The following F11R variants were observed in gnomAD, a reference collection of about 807,000 sequenced individuals.
The protein encoded by F11R is F11 receptor, also known as junctional adhesion molecule A.
In F11R, 27 loss-of-function variants were observed where a neutral mutation model predicts 39.3. The ratio of observed to expected loss-of-function variants is 0.69; its 90% CI spans 0.51 to 0.95. The LOEUF (loss-of-function observed/expected upper bound fraction) is 0.95. Ranked by LOEUF, F11R falls within the 40% of genes least tolerant of loss-of-function variation. F11R has a pLI of 0.00. For missense variants in F11R, 335 were observed against 372.7 expected, an observed-to-expected ratio of 0.90 and a Z score of 0.83; for synonymous variants, 131 against 144.9, an observed-to-expected ratio of 0.90 and a Z score of 0.69.
At position 160,996,926 on chromosome 1, in the gene F11R, T is replaced by C. The variant is rs1414403620; in HGVS notation, c.*1945A>G. The C allele has an allele frequency of 6.6e-6, 1 of 152,378 alleles. No individual in the cohort carries two copies. Among genetic ancestry groups the C allele is most frequent in the African/African-American group, 2.4e-5 (1 of 41,468 alleles). 9.4% of individuals were successfully genotyped at this position (152,378 alleles called of 1,614,324 possible). A position where few individuals can be genotyped will look rare whatever the true frequency, so the allele number is the denominator to read the frequency against. ...ACTGATGGCTTCATTAGCATTTTGTTTTTCTTTTTGGATCCTTAATAGAAA... is the reference window on the plus strand; with the variant it reads ...ACTGATGGCTTCATTAGCATTTTGTCTTTCTTTTTGGATCCTTAATAGAAA... On this transcript the variant is annotated 3_prime_UTR_variant, in exon 10 of 10. Coordinates refer to ENST00000368026, the MANE Select transcript of F11R (RefSeq NM_016946.6).
intron 1 of F11R, among the ~76,000 whole-genome samples, chr1:161,010,070 A>AG (rs1406068489): frequency 6.6e-6 from 1 of 151,406 alleles, no homozygotes; most frequent in African/African-American, 2.4e-5. Flanking sequence ...AAAAAAAAAA[A>AG]AACCTATGAG....
rs146651683 is a variant in F11R, at chr1:160,998,887, G to A, written c.884C>T (p.Ser295Leu). ...ARSEGEFKQT[S>L]SFLV is the part of the protein sequence containing the mutation. ...CGACCAGGCTCACACCAGGAATGAC[G>A]AGGTCTGTTTGAATTCTCCCTGCAG... The change falls in exon 10 of 10, where the codon TCG (serine) becomes TTG (leucine). Residue 295 changes from serine to leucine, a missense_variant. By Grantham distance (145) the Ser-to-Leu change is moderately radical. Coordinates refer to ENST00000368026, the MANE Select transcript of F11R (RefSeq NM_016946.6). 23 of 1,614,014 alleles carry A rather than the reference G, an allele frequency of 1.4e-5. No individual in the cohort carries two copies. Among genetic ancestry groups the A allele is most frequent in the African/African-American group, 8.0e-5 (6 of 74,906 alleles).
chr1:161,012,083 C>G (rs1385727537), intron 1 of F11R, among the ~76,000 whole-genome samples: 3 of 152,098 alleles, frequency 2.0e-5, no homozygotes, highest in Non-Finnish European at 2.9e-5. Flanking sequence ...CCCCAGCTCC[C>G]AGCACTACAC....
chr1:161,002,562 T>C (rs1321523971), intron 1 of F11R: 1 of 152,220 alleles, frequency 6.6e-6, no homozygotes, highest in Non-Finnish European at 1.5e-5. Context: ...ATCCATGTTT[T>C]CAAAGTCAAA....
intron 1 of F11R, chr1:161,002,651 T>G (rs1167061621): frequency 6.6e-6 from 1 of 152,252 alleles, no homozygotes; most frequent in Non-Finnish European, 1.5e-5. Context: ...CAAGCACATC[T>G]GTTAAATTCA....
Position 160,999,483 on chromosome 1 carries a change from G to A in F11R, c.803-75C>T, listed in dbSNP as rs900663457. The A allele has an allele frequency of 3.7e-6, 6 of 1,600,292 alleles. No homozygotes were observed. The African/African-American group carries it at 6.7e-5, about 18-fold the overall frequency. On this transcript the variant is annotated intron_variant, in intron 7 of 9. Transcript: ENST00000368026. ...ATGGCTTGGGAAGATGGAGGGGCAG[G>A]CCCCCAGCTCTTGGTGTTAGATGGG...
chr1:161,019,107 C>T (rs936645567), intron 1 of F11R, among the ~76,000 whole-genome samples: 2 of 152,118 alleles, frequency 1.3e-5, no homozygotes, highest in African/African-American at 4.8e-5. Flanking sequence ...GTCACTCACA[C>T]AGAAGAAACT....
intron 1 of F11R, among the ~76,000 whole-genome samples, chr1:161,006,155 G>A (rs1316474189): frequency 1.3e-5 from 2 of 151,528 alleles, no homozygotes; most frequent in African/African-American, 4.8e-5. Flanking sequence ...AAAGGGGGGG[G>A]GCACTTCTGT....
rs767573862 is a variant in F11R at position 161,000,245 on chromosome 1, G to A, written c.492C>T (p.Tyr164=). ...TCACTATCCCATCTTTGAACCAGGT[G>A]TATTCAGAAGGTGGGGAACCATCTT... ...SEQDGSPPSE[Y]TWFKDGIVMP... is the part of the protein sequence containing the mutation. Residue 164 remains tyrosine (Y), a synonymous_variant, in exon 5 of 10, where the codon TAC becomes TAT. Transcript: ENST00000368026. The A allele has an allele frequency of 1.1e-4, 180 of 1,614,040 alleles. No homozygotes were observed. The highest frequency in any genetic ancestry group is 1.3e-5 in the Non-Finnish European group (15 of 1,180,034).
chr1:161,003,799 T>C (rs559172392), intron 1 of F11R, among the ~76,000 whole-genome samples: 17 of 152,006 alleles, frequency 1.1e-4, no homozygotes, highest in Non-Finnish European at 2.1e-4. Context: ...AGTTTTGTTC[T>C]AGTTGCCCAG....
chr1:161,019,272 T>C (rs2101993609), intron 1 of F11R, among the ~76,000 whole-genome samples: 1 of 151,030 alleles, frequency 6.6e-6, no homozygotes, highest in South Asian at 2.1e-4. Context: ...AAAGGGAAAT[T>C]AAAGAAAAGG....
At position 160,996,787 on chromosome 1, in the gene F11R, AACAAAAAACAAC is replaced by A. The variant is rs1388617532; in HGVS notation, c.*2072_*2083del. 1.3e-5 allele frequency: 2 copies of A among 152,182 alleles called. No homozygotes were observed. Among genetic ancestry groups the A allele is most frequent in the African/African-American group, 4.8e-5 (2 of 41,402 alleles). 9.4% of individuals were successfully genotyped at this position (152,182 alleles called of 1,614,324 possible). On this transcript the variant is annotated 3_prime_UTR_variant, in exon 10 of 10. Coordinates refer to ENST00000368026, the MANE Select transcript of F11R (RefSeq NM_016946.6). The stretch of plus-strand genomic sequence containing the variant: ...TCTTTAAAAAAACAAAACAAAACAA[AACAAAAAACAAC>A]AAACTCATCTTTACTGAACCATTTC...
chr1:160,999,446 A>G, intron 7 of F11R, 38 bp from the exon 8 acceptor site: 1 of 1,614,150 alleles, frequency 6.2e-7, no homozygotes, highest in African/African-American at 1.3e-5. Context: ...TGTCAGCAGG[A>G]CAGAAGACAG....
At chr1:161,001,239 C>T (rs773898569) in intron 2 of F11R, 46 bp downstream of exon 2, 51 of 1,607,002 alleles carry the variant, frequency 3.2e-5, no homozygotes, top group South Asian at 2.4e-4. Context: ...CCCAGGCGGC[C>T]GGCAACTGCT....
At chr1:161,003,500 T>C (rs1196690792) in intron 1 of F11R, among the ~76,000 whole-genome samples, 1 of 152,096 alleles carries the variant, frequency 6.6e-6, no homozygotes, top group African/African-American at 2.4e-5. Flanking sequence ...TGACCTAAAG[T>C]GATCTGCCCG....
At chr1:161,002,261 C>CAA (rs34007325) in intron 1 of F11R, among the ~76,000 whole-genome samples, 286 of 67,078 alleles carry the variant, frequency 4.3e-3, no homozygotes, top group Non-Finnish European at 4.9e-3. Flanking sequence ...GACTCAATCT[C>CAA]AAAAAAAAAA....
chr1:161,013,814 T>C (rs1649300056), intron 1 of F11R, among the ~76,000 whole-genome samples: 1 of 152,110 alleles, frequency 6.6e-6, no homozygotes, highest in Non-Finnish European at 1.5e-5. Context: ...TCTGCAGAAT[T>C]TCCGGTTCTA....
intron 1 of F11R, among the ~76,000 whole-genome samples, chr1:161,019,405 G>T (rs968646304): frequency 3.3e-5 from 5 of 152,078 alleles, no homozygotes; most frequent in Admixed American, 6.6e-5. Context: ...AGACCAGCCC[G>T]ACCAACATGG....
intron 1 of F11R, among the ~76,000 whole-genome samples, chr1:161,004,786 A>G (rs1648704376): frequency 1.3e-5 from 2 of 152,138 alleles, no homozygotes; most frequent in African/African-American, 4.8e-5. Flanking sequence ...AAAAAAACTA[A>G]TAAAAATATT....
Sources: allele counts gnomAD v4.1 joint callset (sites outside exome capture counted in the v4.1 genomes callset), GRCh38; gene constraint gnomAD v4.1.1; transcripts MANE v1.5; gene names NCBI Gene and HGNC (gene_info 2026-07-23, HGNC 2026-07-21).